EPC1: variants seen among roughly 807,000 people sequenced by gnomAD.
EPC1 encodes the protein enhancer of polycomb 1.
A neutral mutation model predicts 98.4 loss-of-function variants in EPC1; 12 were observed. That is an observed-to-expected ratio of 0.12 (90% CI 0.08 to 0.20). EPC1 has a LOEUF of 0.20. Among genes scored for constraint, EPC1 ranks in the 10% least tolerant of loss-of-function variants. The pLI, the probability that EPC1 is intolerant of heterozygous loss-of-function variation, is 1.00. For missense variants in EPC1, 729 were observed against 990.5 expected (o/e 0.74, Z 3.54); for synonymous variants, 357 against 363.9 (o/e 0.98, Z 0.21).
chr10:32,370,513 G>T (rs1279334277), intron 1 of EPC1, among the ~76,000 whole-genome samples: 2 of 152,172 alleles, frequency 1.3e-5, no homozygotes, highest in East Asian at 3.8e-4. Context: ...AAACTTTTTA[G>T]GGTAGGGCAT....
At chr10:32,361,322 G>T (rs1002857519) in intron 1 of EPC1, among the ~76,000 whole-genome samples, 2 of 152,172 alleles carry the variant, frequency 1.3e-5, no homozygotes, top group Non-Finnish European at 2.9e-5. Context: ...CAGGCATTGT[G>T]TTGGGGATCA....
intron 1 of EPC1, among the ~76,000 whole-genome samples, chr10:32,362,107 C>T (rs191503209): frequency 1.5e-3 from 235 of 152,262 alleles, no homozygotes; most frequent in African/African-American, 5.3e-3. Flanking sequence ...CGGGGCTGCT[C>T]TGTGTGTGGA....
At chr10:32,346,700 G>A (rs1458944781) in intron 1 of EPC1, 63 bp downstream of exon 1, 3 of 1,516,908 alleles carry the variant, frequency 2.0e-6, no homozygotes, top group Non-Finnish European at 2.7e-6. Context: ...CTGCTCCGCC[G>A]CCGCCGCAGG....
intron 1 of EPC1, among the ~76,000 whole-genome samples, chr10:32,316,455 G>GA (rs1193622049): frequency 6.6e-6 from 1 of 152,016 alleles, no homozygotes; most frequent in Non-Finnish European, 1.5e-5. Flanking sequence ...AACAAACTGT[G>GA]GTAAAGCCAT....
rs1338852216 is a variant in EPC1, at chr10:32,341,498, G to T, written c.153+5265C>A. Among the ~76,000 whole-genome samples the T allele has an allele frequency of 2.0e-5, 3 of 152,060 alleles. 1 individual carries two copies. The South Asian group carries it at 6.2e-4, about 32-fold the overall frequency. ...ACCTTTATGCAGAATTTTTTCTCTC[G>T]TTTACAAAATTTAAGCTACACTGTA... On this transcript the variant is annotated intron_variant, in intron 1 of 13. Transcript: ENST00000319778.
At chr10:32,296,017 G>C (rs562270955) in intron 2 of EPC1, among the ~76,000 whole-genome samples, 96 of 151,768 alleles carry the variant, frequency 6.3e-4, no homozygotes, top group African/African-American at 2.0e-3. Flanking sequence ...TCTGCCGCCC[G>C]GGTTCAAGCG....
chr10:32,280,728 ACT>A (rs1203058463), intron 10 of EPC1, among the ~76,000 whole-genome samples: 8 of 151,940 alleles, frequency 5.3e-5, no homozygotes, highest in Admixed American at 5.3e-4. Flanking sequence ...ACAGAGCAAG[ACT>A]CTGTCTCAAA....
At chr10:32,335,610 C>G (rs1715749522) in intron 1 of EPC1, among the ~76,000 whole-genome samples, 1 of 152,176 alleles carries the variant, frequency 6.6e-6, no homozygotes, top group Admixed American at 6.5e-5. Context: ...CACAACCACT[C>G]AGAAGTTCAC....
chr10:32,295,641 T>C (rs966754173), intron 2 of EPC1, among the ~76,000 whole-genome samples: 18 of 152,316 alleles, frequency 1.2e-4, no homozygotes, highest in Admixed American at 1.2e-3. Flanking sequence ...ACTTGATATA[T>C]TTTGTTCCTA....
chr10:32,335,628 C>G (rs1047609535), intron 1 of EPC1, among the ~76,000 whole-genome samples: 1 of 152,154 alleles, frequency 6.6e-6, no homozygotes, highest in Non-Finnish European at 1.5e-5. Flanking sequence ...CACAGCATCA[C>G]TCTCTCCCTA....
At chr10:32,299,181 TTTTTG>T (rs994771280) in intron 2 of EPC1, among the ~76,000 whole-genome samples, 1 of 152,050 alleles carries the variant, frequency 6.6e-6, no homozygotes, top group South Asian at 2.1e-4. Context: ...CATAATGGCT[TTTTTG>T]TTTTGTTTTG....
intron 13 of EPC1, among the ~76,000 whole-genome samples, chr10:32,269,817 A>G (rs1459447563): frequency 1.3e-5 from 2 of 152,236 alleles, no homozygotes; most frequent in African/African-American, 4.8e-5. Flanking sequence ...ACTGTTACTT[A>G]AATTCAGAAG....
chr10:32,273,181 G>C lies in EPC1; in HGVS notation c.1845C>G (p.Ser615=), dbSNP rs765851603. The change falls in exon 11 of 14, where the codon TCC becomes TCG. Residue 615 remains serine (S), a synonymous_variant. Coordinates refer to ENST00000319778, the MANE Select transcript of EPC1 (RefSeq NM_001272004.3). ...CCCTCACCTGTGATGTGTTGGTGGA[G>C]GAATTACTATTTGCTTGCTGTTGCT... is the stretch of plus-strand genomic sequence containing the variant. ...QIQQQQANSN[S]STNTSQGFVS... is the part of the protein sequence containing the mutation. 1 of 1,614,152 alleles carries C rather than the reference G, an allele frequency of 6.2e-7. No individual in the cohort carries two copies. Among genetic ancestry groups the C allele is most frequent in the South Asian group, 1.1e-5 (1 of 91,082 alleles).
chr10:32,324,245 C>T (rs1837124241), intron 1 of EPC1, among the ~76,000 whole-genome samples: 1 of 149,286 alleles, frequency 6.7e-6, no homozygotes, highest in Admixed American at 6.7e-5. Flanking sequence ...CCTAGTTATT[C>T]TTTAATAAAT....
rs1267696205 is a variant in EPC1 at position 32,305,932 on chromosome 10, C to A, written c.154-1G>T. On this transcript the variant is annotated splice_acceptor_variant, in intron 1 of 13. Transcript: ENST00000319778. LOFTEE classifies it high-confidence loss of function. Reference sequence around the variant, plus strand: ...AAATAGCCCGCTGAAGATGATGTTCCTAAAAAGAAGAAAAAACAGGTAAGT... The same window carrying A: ...AAATAGCCCGCTGAAGATGATGTTCATAAAAAGAAGAAAAAACAGGTAAGT... The A allele has an allele frequency of 1.3e-6, 2 of 1,589,868 alleles. No individual in the cohort carries two copies. Among genetic ancestry groups the A allele is most frequent in the Admixed American group, 1.8e-5 (1 of 54,088 alleles).
At chr10:32,321,763 T>G (rs191652345) in intron 1 of EPC1, among the ~76,000 whole-genome samples, 1 of 152,180 alleles carries the variant, frequency 6.6e-6, no homozygotes, top group East Asian at 1.9e-4. Flanking sequence ...GAGGTCTGAC[T>G]CCAGAACCCT....
chr10:32,331,168 A>C (rs931188882), intron 1 of EPC1, among the ~76,000 whole-genome samples: 1 of 152,166 alleles, frequency 6.6e-6, no homozygotes, highest in African/African-American at 2.4e-5. Context: ...TTTAGTGTCA[A>C]GATTCCATTA....
chr10:32,372,997 C>T (rs945525020), intron 1 of EPC1, among the ~76,000 whole-genome samples: 1 of 152,176 alleles, frequency 6.6e-6, no homozygotes, highest in East Asian at 1.9e-4. Context: ...GCACTTTAGC[C>T]TGGGTGACAA....
intron 9 of EPC1, 50 bp from the exon 10 acceptor site, chr10:32,285,100 A>T (rs1255392677): frequency 2.1e-6 from 3 of 1,440,058 alleles, no homozygotes; most frequent in East Asian, 4.7e-5. Flanking sequence ...CTATTCAAAG[A>T]TTATATATTA....
Sources: gnomAD v4.1 joint callset for allele counts (sites outside exome capture counted in the v4.1 genomes callset) on GRCh38, gnomAD v4.1.1 for gene constraint, MANE v1.5 for transcripts, NCBI Gene and HGNC (gene_info 2026-07-23, HGNC 2026-07-21) for gene names.